The following FERMT3 variants were observed in gnomAD, a reference collection of about 807,000 sequenced individuals.
FERMT3 encodes the protein fermitin family homolog 3.
A neutral mutation model predicts 80.8 loss-of-function variants in FERMT3; 33 were observed. That is an observed-to-expected ratio of 0.41 (90% CI 0.31 to 0.55). The LOEUF is 0.55. Ranked by LOEUF, FERMT3 falls within the 20% of genes least tolerant of loss-of-function variation. The probability of loss-of-function intolerance (pLI) is 0.31; values close to 1 mark genes in which losing one functional copy is unlikely to be tolerated. For missense variants in FERMT3, 754 were observed against 908.7 expected (o/e 0.83, Z 2.19); for synonymous variants, 375 against 372.2 (o/e 1.01, Z -0.09).
intron 2 of FERMT3, among the ~76,000 whole-genome samples, chr11:64,209,589 A>AGTGGGATG (rs1280600496): frequency 6.6e-6 from 1 of 152,182 alleles, no homozygotes; most frequent in East Asian, 1.9e-4. Context: ...GGCGGCACAC[A>AGTGGGATG]GCCAGAGTCC....
At chr11:64,222,999 T>C in intron 13 of FERMT3, 49 bp from the exon 14 acceptor site, 1 of 1,610,746 alleles carries the variant, frequency 6.2e-7, no homozygotes, top group Non-Finnish European at 8.5e-7. Flanking sequence ...GGGCGGGCTC[T>C]GGCCATGCAG....
At position 64,211,284 on chromosome 11, in the gene FERMT3, C is replaced by G; in HGVS notation, c.524C>G (p.Pro175Arg). The G allele has an allele frequency of 6.2e-7, 1 of 1,613,462 alleles. No homozygotes were observed. Among genetic ancestry groups the G allele is most frequent in the Non-Finnish European group, 8.5e-7 (1 of 1,179,860 alleles). ...SKVVLAGGVA[P>R]ALFRGMPAHF... is the part of the protein sequence containing the mutation. ...CCAACCTGCACTCCAGGCGTGGCAC[C>G]TGCACTGTTCCGGGGGATGCCAGCT... Residue 175 changes from proline (P) to arginine (R), a missense_variant, in exon 5 of 15, where the codon CCT (proline) becomes CGT (arginine). Coordinates refer to ENST00000345728, the MANE Select transcript of FERMT3 (RefSeq NM_031471.6). The surrounding 1 kb of genome is among the most constrained non-coding windows in gnomAD (Gnocchi z 4.7).
chr11:64,222,995 G>C, intron 13 of FERMT3, 53 bp from the exon 14 acceptor site: 1 of 1,610,090 alleles, frequency 6.2e-7, no homozygotes, highest in South Asian at 1.1e-5. Flanking sequence ...GTCTGGGCGG[G>C]CTCTGGCCAT....
chr11:64,214,168 CTTTTTTT>C, intron 6 of FERMT3, among the ~76,000 whole-genome samples: 1 of 113,444 alleles, frequency 8.8e-6, no homozygotes, highest in African/African-American at 3.4e-5. Context: ...TCATAATTGC[CTTTTTTT>C]TTTTTTTTTT....
intron 12 of FERMT3, 91 bp downstream of exon 12, chr11:64,220,760 T>C (rs1946663814): frequency 7.4e-7 from 1 of 1,347,216 alleles, no homozygotes; most frequent in African/African-American, 1.4e-5. Flanking sequence ...TCAGGAAAGC[T>C]ACGTACTCAC....
Position 64,207,467 on chromosome 11 carries a change from C to G in FERMT3, c.103C>G (p.Arg35Gly), listed in dbSNP as rs1456066443. Reference sequence around the variant, plus strand: ...CCCAGAGGCCGAGTCGGTCACCCTGCGGGTCACTGGGGAGTCGCACATCGG... The same window carrying G: ...CCCAGAGGCCGAGTCGGTCACCCTGGGGGTCACTGGGGAGTCGCACATCGG... ...EDPEAESVTL[R>G]VTGESHIGGV... Residue 35 changes from arginine to glycine, a missense_variant, in exon 2 of 15, where the codon CGG becomes GGG. Physicochemically the swap from Arg to Gly is moderately radical, Grantham distance 125. Coordinates refer to ENST00000345728, the MANE Select transcript of FERMT3 (RefSeq NM_031471.6). 6.2e-7 allele frequency: 1 copy of G among 1,614,000 alleles called. No individual in the cohort carries two copies. Among genetic ancestry groups the G allele is most frequent in the Admixed American group, 1.7e-5 (1 of 60,018 alleles).
At position 64,220,674 on chromosome 11, in the gene FERMT3, C is replaced by A; in HGVS notation, c.1545+5C>A. The A allele has an allele frequency of 6.2e-7, 1 of 1,605,888 alleles. No individual in the cohort carries two copies. Among genetic ancestry groups the A allele is most frequent in the East Asian group, 2.2e-5 (1 of 44,636 alleles). On this transcript the variant is annotated splice_donor_5th_base_variant and intron_variant, in intron 12 of 14. Coordinates refer to ENST00000345728, the MANE Select transcript of FERMT3 (RefSeq NM_031471.6). ...CGAAAGTTCAAGGCCAAGCAGGTAC[C>A]AGAAGGCGTCAGGGTGGGAATGAGC...
intron 11 of FERMT3, 54 bp downstream of exon 11, chr11:64,220,380 G>A: frequency 6.2e-7 from 1 of 1,609,036 alleles, no homozygotes; most frequent in Non-Finnish European, 8.5e-7. Flanking sequence ...GGCAGGGGCA[G>A]GGGCTGAGGA....
chr11:64,220,984 C>G (rs1364197987), intron 12 of FERMT3, 32 bp from the exon 13 acceptor site: 6 of 1,605,954 alleles, frequency 3.7e-6, no homozygotes, highest in Non-Finnish European at 3.4e-6. Context: ...GGGAATAGTG[C>G]CTGGCAGCCC....
intron 2 of FERMT3, among the ~76,000 whole-genome samples, chr11:64,208,152 G>C (rs557997536): frequency 2.6e-5 from 4 of 151,964 alleles, no homozygotes; most frequent in Non-Finnish European, 5.9e-5. Flanking sequence ...GCCAGTGGGT[G>C]GGGGGTGGGT....
rs528733854 is a variant in FERMT3 at position 64,222,457 on chromosome 11, C to T, written c.1671-591C>T. On this transcript the variant is annotated intron_variant, in intron 13 of 14. Transcript: ENST00000345728. The stretch of plus-strand genomic sequence containing the variant: ...GCACGTACCTGTAATCCCATGTACT[C>T]GGGAGGCTGAGACAGGAGAATCACT... Among the ~76,000 whole-genome samples, 15 of 144,738 alleles carry T rather than the reference C, an allele frequency of 1.0e-4. No individual in the cohort carries two copies. In the East Asian group the frequency reaches 2.3e-3, roughly 22 times the overall value. The allele number at this position is 144,738 out of a possible 152,430, so 95.0% of individuals were successfully genotyped here. A position where few individuals can be genotyped will look rare whatever the true frequency, so the allele number is the denominator to read the frequency against.
At chr11:64,218,538 CAA>C (rs1946601950) in intron 6 of FERMT3, among the ~76,000 whole-genome samples, 1 of 152,088 alleles carries the variant, frequency 6.6e-6, no homozygotes, top group Non-Finnish European at 1.5e-5. Context: ...CTCCTGGGCT[CAA>C]GCTATCTGCC....
intron 12 of FERMT3, 134 bp downstream of exon 12, chr11:64,220,803 C>A: frequency 8.0e-7 from 1 of 1,250,324 alleles, no homozygotes; most frequent in Non-Finnish European, 1.1e-6. Context: ...TGAGATTGTG[C>A]GGCTGGTACC....
In FERMT3 at chr11:64,211,237, G is replaced by A. The variant is rs1171895240; in HGVS notation, c.515-38G>A. On this transcript the variant is annotated intron_variant, in intron 4 of 14. Transcript: ENST00000345728. This position sits in a 1 kb window ranked among gnomAD's most constrained non-coding sequence, Gnocchi z 4.7. ...GGGCCGGCCCGTGAGTCCCAGCCCT[G>A]GGGGACAGGCCTGGTTGACTCCCAA... The A allele has an allele frequency of 6.2e-7, 1 of 1,611,714 alleles. No individual in the cohort carries two copies. Among genetic ancestry groups the A allele is most frequent in the African/African-American group, 1.3e-5 (1 of 74,826 alleles).
chr11:64,211,822 G>A lies in FERMT3; in HGVS notation c.786+75G>A. 1.4e-6 allele frequency: 2 copies of A among 1,411,768 alleles called. No homozygotes were observed. The highest frequency in any genetic ancestry group is 2.3e-5 in the East Asian group (1 of 43,862). 87.5% of individuals were successfully genotyped at this position (1,411,768 alleles called of 1,614,324 possible). A position where few individuals can be genotyped will look rare whatever the true frequency, so the allele number is the denominator to read the frequency against. ...ACCTAGGGCCTGGGGTATGGGCTCT[G>A]GGATGTTAGTGACTTGTAGTGGCCT... On this transcript the variant is annotated intron_variant, in intron 6 of 14. Transcript: ENST00000345728. The surrounding 1 kb of genome is among the most constrained non-coding windows in gnomAD (Gnocchi z 4.7).
chr11:64,212,567 T>C (rs1174317164), intron 6 of FERMT3, among the ~76,000 whole-genome samples: 3 of 152,216 alleles, frequency 2.0e-5, no homozygotes, highest in African/African-American at 7.2e-5. Context: ...CGCTTCTTAC[T>C]TGACCACTTA....
chr11:64,222,095 C>T (rs574216173), intron 13 of FERMT3, among the ~76,000 whole-genome samples: 5 of 150,840 alleles, frequency 3.3e-5, no homozygotes, highest in African/African-American at 9.8e-5. Flanking sequence ...AAAAATTAGC[C>T]GAGTGTGGTG....
chr11:64,212,933 G>A (rs1946474158), intron 6 of FERMT3, among the ~76,000 whole-genome samples: 1 of 151,776 alleles, frequency 6.6e-6, no homozygotes, highest in Admixed American at 6.6e-5. Flanking sequence ...TTGCTCTGTT[G>A]TCCAGACTGG....
intron 6 of FERMT3, among the ~76,000 whole-genome samples, chr11:64,212,753 C>G (rs1946470979): frequency 6.6e-6 from 1 of 152,080 alleles, no homozygotes; most frequent in African/African-American, 2.4e-5. Context: ...GCCCCAGGCT[C>G]TGCTCTGGGC....
Sources: gnomAD v4.1 joint callset for allele counts (sites outside exome capture counted in the v4.1 genomes callset) on GRCh38, gnomAD v4.1.1 for gene constraint, Gnocchi (gnomAD v3.1) non-coding constraint, MANE v1.5 for transcripts, NCBI Gene and HGNC (gene_info 2026-07-23, HGNC 2026-07-21) for gene names.